BRCA1: variants seen among roughly 807,000 people sequenced by gnomAD.
BRCA1 encodes the protein BRCA1 DNA repair associated.
Under a neutral mutation model 173.7 loss-of-function variants are expected in BRCA1, and 140 were observed. The ratio of observed to expected loss-of-function variants is 0.81; its 90% CI spans 0.70 to 0.93. The LOEUF (loss-of-function observed/expected upper bound fraction) is 0.93, where lower values mean the gene tolerates loss of function less well. BRCA1 is among the 40% of genes least tolerant of loss of function. The pLI is 0.00. For synonymous variants in BRCA1, 662 were observed against 756.0 expected (o/e 0.88, Z 2.04); for missense variants, 1,983 against 2,172.5 (o/e 0.91, Z 1.73).
rs2052150842 is a variant in BRCA1 at position 43,067,565 on chromosome 17, T to C, written c.5074+43A>G. The C allele has an allele frequency of 2.0e-6, 3 of 1,522,570 alleles. No individual in the cohort carries two copies. The East Asian group carries it at 6.8e-5, about 34-fold the overall frequency. 94.3% of individuals were successfully genotyped at this position (1,522,570 alleles called of 1,614,324 possible). Reference sequence around the variant, plus strand: ...CACCGTGCCTCGCCTCATGTGGTTTTATGCAGCAGATGCAAGGTATTCTGT... The same window carrying C: ...CACCGTGCCTCGCCTCATGTGGTTTCATGCAGCAGATGCAAGGTATTCTGT... On this transcript the variant is annotated intron_variant, in intron 16 of 22. Coordinates refer to ENST00000357654, the MANE Select transcript of BRCA1 (RefSeq NM_007294.4).
intron 11 of BRCA1, among the ~76,000 whole-genome samples, chr17:43,084,640 G>A (rs1430227915): frequency 1.3e-5 from 2 of 152,116 alleles, no homozygotes; most frequent in Non-Finnish European, 2.9e-5. Flanking sequence ...CTGCTACACT[G>A]AGTTCACAAT....
intron 1 of BRCA1, among the ~76,000 whole-genome samples, chr17:43,135,854 C>T (rs1597932943): frequency 6.6e-6 from 1 of 152,192 alleles, no homozygotes; most frequent in Non-Finnish European, 1.5e-5. Flanking sequence ...TGGCAGCGTC[C>T]CCTTGAAGAT....
At chr17:43,142,922 GTGTGTGTGTGTGTGTGTGTATATATATA>G (rs1278132006) in intron 1 of BRCA1, among the ~76,000 whole-genome samples, 1 of 145,030 alleles carries the variant, frequency 6.9e-6, no homozygotes, top group Non-Finnish European at 1.5e-5. Context: ...TTTTGTGTGT[GTGTGTGTGTGTGTGTGTGTATATATATA>G]TGTGTGTGTG....
intron 2 of BRCA1, 101 bp downstream of exon 2, chr17:43,123,916 A>T: frequency 1.1e-6 from 1 of 907,222 alleles, no homozygotes; most frequent in Non-Finnish European, 1.8e-6. Context: ...TAATCTTACT[A>T]GACATGTCTT....
intron 1 of BRCA1, chr17:43,163,651 A>G (rs1274443599): frequency 6.6e-6 from 1 of 152,220 alleles, no homozygotes. Flanking sequence ...CAATTGGACT[A>G]AAGTACAAGT....
Position 43,045,586 on chromosome 17 carries a change from T to G in BRCA1, c.*92A>C, listed in dbSNP as rs947251567. Reference sequence around the variant, plus strand: ...TTAGTAGCCAGGACAGTAGAAGGACTGAAGAGTGAGAGGAGCTCCCAGGGC... The same window carrying G: ...TTAGTAGCCAGGACAGTAGAAGGACGGAAGAGTGAGAGGAGCTCCCAGGGC... On this transcript the variant is annotated 3_prime_UTR_variant, in exon 23 of 23. Transcript: ENST00000357654. 4 of 1,546,150 alleles carry G rather than the reference T, an allele frequency of 2.6e-6. No individual in the cohort carries two copies. Among genetic ancestry groups the G allele is most frequent in the Non-Finnish European group, 3.6e-6 (4 of 1,124,134 alleles).
intron 18 of BRCA1, 71 bp from the exon 19 acceptor site, chr17:43,057,206 C>T (rs929323416): frequency 9.3e-5 from 138 of 1,487,422 alleles, no homozygotes; most frequent in Non-Finnish European, 1.3e-4. Flanking sequence ...GTGGAGCAGA[C>T]ACGTCATATT....
chr17:43,053,208 A>T (rs2051323656), intron 19 of BRCA1, among the ~76,000 whole-genome samples: 1 of 151,934 alleles, frequency 6.6e-6, no homozygotes, highest in Non-Finnish European at 1.5e-5. Flanking sequence ...AATAAACCGC[A>T]CCCCCAACCT....
chr17:43,093,798 G>T lies in BRCA1; in HGVS notation c.1733C>A (p.Ser578Tyr), dbSNP rs80356939. Residue 578 changes from serine to tyrosine, a missense_variant, in exon 10 of 23, where the codon TCT becomes TAT. Coordinates refer to ENST00000357654, the MANE Select transcript of BRCA1 (RefSeq NM_007294.4). ...PNPIESLEKE[S>Y]AFKTKAEPIS... is the part of the protein sequence containing the mutation. ...AGGTTCAGCTTTCGTTTTGAAAGCA[G>T]ATTCTTTTTCGAGTGATTCTATTGG... 5 of 1,613,590 alleles carry T rather than the reference G, an allele frequency of 3.1e-6. No homozygotes were observed. Among genetic ancestry groups the T allele is most frequent in the Non-Finnish European group, 4.2e-6 (5 of 1,179,908 alleles).
intron 22 of BRCA1, 56 bp from the exon 23 acceptor site, chr17:43,045,858 C>T (rs2152625918): frequency 1.2e-6 from 2 of 1,609,536 alleles, no homozygotes; most frequent in Non-Finnish European, 8.5e-7. Context: ...CTGGACTAGG[C>T]TCTAATCAAT....
intron 7 of BRCA1, 113 bp downstream of exon 7, chr17:43,099,662 C>G (rs1388862517): frequency 1.2e-6 from 1 of 859,522 alleles, no homozygotes; most frequent in Non-Finnish European, 1.9e-6. Flanking sequence ...ATAAAATTCA[C>G]TTCCCAAAGC....
At chr17:43,127,543 T>G (rs1235188556), upstream of BRCA1, among the ~76,000 whole-genome samples, 14 of 152,184 alleles carry the variant, frequency 9.2e-5, 2 homozygotes, top group African/African-American at 3.1e-4. Flanking sequence ...GTCTAGCAAA[T>G]GTAGTGGGGA....
At chr17:43,135,687 G>A (rs1382097770) in intron 1 of BRCA1, among the ~76,000 whole-genome samples, 2 of 152,146 alleles carry the variant, frequency 1.3e-5, no homozygotes, top group African/African-American at 4.8e-5. Flanking sequence ...CTAAAGCCTC[G>A]GCTCCAACCG....
chr17:43,093,212 A>G lies in BRCA1; in HGVS notation c.2319T>C (p.Pro773=), dbSNP rs2154383725. ...TTTCCTGAGTGCCATAATCAGTACCAGGTACCAATGAAATACTGCTACTCT... is the reference window on the plus strand; with the variant it reads ...TTTCCTGAGTGCCATAATCAGTACCGGGTACCAATGAAATACTGCTACTCT... ...SVESSSISLV[P]GTDYGTQESI... Residue 773 remains proline (P), a synonymous_variant, in exon 10 of 23, where the codon CCT becomes CCC. Transcript: ENST00000357654. The G allele has an allele frequency of 6.2e-7, 1 of 1,614,046 alleles. No individual in the cohort carries two copies. The highest frequency in any genetic ancestry group is 8.5e-7 in the Non-Finnish European group (1 of 1,179,996).
At chr17:43,113,619 G>A (rs924713500) in intron 3 of BRCA1, among the ~76,000 whole-genome samples, 1 of 151,738 alleles carries the variant, frequency 6.6e-6, no homozygotes, top group African/African-American at 2.4e-5. Context: ...CGCCCACCTC[G>A]ACCTCCCAAA....
intron 3 of BRCA1, among the ~76,000 whole-genome samples, chr17:43,115,447 A>G (rs2055220447): frequency 6.6e-6 from 1 of 151,856 alleles, no homozygotes; most frequent in South Asian, 2.1e-4. Flanking sequence ...GGTTGCAGTG[A>G]GCCAAGATCA....
At chr17:43,059,513 C>CAACAAA (rs1555577470) in intron 18 of BRCA1, among the ~76,000 whole-genome samples, 9 of 151,274 alleles carry the variant, frequency 5.9e-5, no homozygotes, top group South Asian at 2.1e-4. Context: ...ACAACAACAA[C>CAACAAA]AAATTCTCAC....
At chr17:43,109,893 C>T (rs1435120783) in intron 3 of BRCA1, among the ~76,000 whole-genome samples, 2 of 151,302 alleles carry the variant, frequency 1.3e-5, no homozygotes, top group South Asian at 2.1e-4. Flanking sequence ...GATAAGGATT[C>T]GAATCTTTTT....
In BRCA1 at chr17:43,094,719, A is replaced by C. The variant is rs753099787; in HGVS notation, c.812T>G (p.Val271Gly). 6.2e-7 allele frequency: 1 copy of C among 1,611,896 alleles called. No homozygotes were observed. Among genetic ancestry groups the C allele is most frequent in the Non-Finnish European group, 8.5e-7 (1 of 1,178,440 alleles). ...ATGAGTATTTGTGCCACATGGCTCCACATGCAAGTTTGAAACAGAACTACC... is the reference window on the plus strand; with the variant it reads ...ATGAGTATTTGTGCCACATGGCTCCCCATGCAAGTTTGAAACAGAACTACC... ...YQGSSVSNLH[V>G]EPCGTNTHAS... Residue 271 changes from valine (V) to glycine (G), a missense_variant, in exon 10 of 23, where the codon GTG becomes GGG. By Grantham distance (109) the Val-to-Gly change is moderately radical. Coordinates refer to ENST00000357654, the MANE Select transcript of BRCA1 (RefSeq NM_007294.4).
Sources: allele counts gnomAD v4.1 joint callset (sites outside exome capture counted in the v4.1 genomes callset), GRCh38; gene constraint gnomAD v4.1.1; transcripts MANE v1.5; gene names NCBI Gene and HGNC (gene_info 2026-07-23, HGNC 2026-07-21).